Variants in OXCT1 observed in about 807,000 individuals in gnomAD.
OXCT1 encodes 3-oxoacid CoA-transferase 1.
In OXCT1, 27 loss-of-function variants were observed where a neutral mutation model predicts 69.6. The ratio of observed to expected loss-of-function variants is 0.39; its 90% confidence interval spans 0.29 to 0.54. OXCT1 has a LOEUF of 0.54. Among genes scored for constraint, OXCT1 ranks in the 20% least tolerant of loss-of-function variants. The pLI is 0.72. For synonymous variants in OXCT1, 202 were observed against 217.8 expected (o/e 0.93, Z 0.64); for missense variants, 437 against 650.2 (o/e 0.67, Z 3.57).
chr5:41,771,874 G>A (rs962875645), intron 13 of OXCT1, among the ~76,000 whole-genome samples: 8 of 152,156 alleles, frequency 5.3e-5, no homozygotes, highest in African/African-American at 1.9e-4. Context: ...ATATGAAATT[G>A]CTCACATAGG....
intron 16 of OXCT1, among the ~76,000 whole-genome samples, chr5:41,737,808 C>T (rs1381647918): frequency 6.6e-6 from 1 of 152,198 alleles, no homozygotes; most frequent in Non-Finnish European, 1.5e-5. Flanking sequence ...GTAATCCCAG[C>T]ACTTTGGGAG....
chr5:41,784,437 C>T (rs1299042936), intron 13 of OXCT1, among the ~76,000 whole-genome samples: 2 of 152,140 alleles, frequency 1.3e-5, no homozygotes, highest in Non-Finnish European at 2.9e-5. Context: ...CAACATATAT[C>T]CTTCAAACCA....
intron 13 of OXCT1, among the ~76,000 whole-genome samples, chr5:41,775,089 C>T (rs1204893497): frequency 6.6e-6 from 1 of 152,068 alleles, no homozygotes; most frequent in East Asian, 1.9e-4. Context: ...ATACTCAACA[C>T]TTCTGACATC....
At chr5:41,827,406 T>G (rs1222423653) in intron 7 of OXCT1, among the ~76,000 whole-genome samples, 1 of 152,164 alleles carries the variant, frequency 6.6e-6, no homozygotes, top group Admixed American at 6.6e-5. Flanking sequence ...GTTTTCTCAT[T>G]TACAATATTG....
chr5:41,773,714 A>G (rs1289018000), intron 13 of OXCT1, among the ~76,000 whole-genome samples: 1 of 151,980 alleles, frequency 6.6e-6, no homozygotes. Context: ...GGTAAAAAGC[A>G]TATATAGGAA....
intron 1 of OXCT1, among the ~76,000 whole-genome samples, chr5:41,869,852 C>A (rs1750198293): frequency 6.6e-6 from 1 of 152,138 alleles, no homozygotes. Flanking sequence ...AGAGATCCAA[C>A]ATCGGGGGCG....
chr5:41,809,843 AGAAT>A (rs1330048538), intron 7 of OXCT1, among the ~76,000 whole-genome samples: 1 of 152,080 alleles, frequency 6.6e-6, no homozygotes, highest in African/African-American at 2.4e-5. Flanking sequence ...CCGATAAGCA[AGAAT>A]CTAGCTAAAC....
intron 15 of OXCT1, among the ~76,000 whole-genome samples, chr5:41,742,287 G>A (rs1743207793): frequency 6.6e-6 from 1 of 152,134 alleles, no homozygotes; most frequent in Admixed American, 6.5e-5. Flanking sequence ...GATATAAGGT[G>A]CAAACAAAAA....
chr5:41,847,204 C>T (rs949286545), intron 5 of OXCT1, among the ~76,000 whole-genome samples: 1 of 151,896 alleles, frequency 6.6e-6, no homozygotes, highest in African/African-American at 2.4e-5. Context: ...TTCCTTGACA[C>T]ATACACTCTC....
chr5:41,750,912 A>G (rs922359436), intron 14 of OXCT1, among the ~76,000 whole-genome samples: 1 of 152,156 alleles, frequency 6.6e-6, no homozygotes, highest in Non-Finnish European at 1.5e-5. Context: ...AATCTTGGAT[A>G]GATTTTTAAA....
At chr5:41,780,376 A>C (rs1745336470) in intron 13 of OXCT1, among the ~76,000 whole-genome samples, 1 of 152,230 alleles carries the variant, frequency 6.6e-6, no homozygotes, top group Non-Finnish European at 1.5e-5. Context: ...GACTACATTC[A>C]ACTGCCATTC....
chr5:41,866,173 C>T (rs1268986045), intron 1 of OXCT1, among the ~76,000 whole-genome samples: 1 of 152,124 alleles, frequency 6.6e-6, no homozygotes, highest in East Asian at 1.9e-4. Flanking sequence ...TTTCTTCATT[C>T]TCTACCAGGG....
intron 11 of OXCT1, among the ~76,000 whole-genome samples, chr5:41,800,463 G>A (rs1233267318): frequency 2.0e-5 from 3 of 151,690 alleles, no homozygotes; most frequent in Middle Eastern, 3.2e-3. Context: ...TTCGCCAGTG[G>A]GAAGCACAGG....
Position 41,770,112 on chromosome 5 carries a change from T to G in OXCT1, c.1249-7912A>C, listed in dbSNP as rs192027950. On this transcript the variant is annotated intron_variant, in intron 13 of 16. Transcript: ENST00000196371. Reference sequence around the variant, plus strand: ...CCTTCCCTGTTCACCTTCAACCCAGTGCAGTTGCTAATACATGATAGCTTG... The same window carrying G: ...CCTTCCCTGTTCACCTTCAACCCAGGGCAGTTGCTAATACATGATAGCTTG... Among the ~76,000 whole-genome samples the G allele has an allele frequency of 3.2e-3, 483 of 152,330 alleles. 2 individuals carry two copies. Among genetic ancestry groups the G allele is most frequent in the Admixed American group, 1.0e-2 (153 of 15,304 alleles).
At chr5:41,867,206 A>G (rs1750029229) in intron 1 of OXCT1, among the ~76,000 whole-genome samples, 1 of 152,224 alleles carries the variant, frequency 6.6e-6, no homozygotes, top group Admixed American at 6.5e-5. Context: ...CTTTTGAAAC[A>G]GATGTCACAA....
At chr5:41,790,496 G>A (rs144864541) in intron 13 of OXCT1, among the ~76,000 whole-genome samples, 1 of 152,168 alleles carries the variant, frequency 6.6e-6, no homozygotes, top group Non-Finnish European at 1.5e-5. Flanking sequence ...TGCATACTAA[G>A]AAGCTATTAA....
At chr5:41,772,144 G>C (rs770305492) in intron 13 of OXCT1, among the ~76,000 whole-genome samples, 2 of 152,058 alleles carry the variant, frequency 1.3e-5, no homozygotes, top group Non-Finnish European at 2.9e-5. Context: ...TATTTATTTT[G>C]TCATCAGGAA....
chr5:41,746,929 C>T (rs559421865), intron 15 of OXCT1, among the ~76,000 whole-genome samples: 43 of 152,234 alleles, frequency 2.8e-4, no homozygotes, highest in African/African-American at 9.1e-4. Flanking sequence ...AGTCCATCTC[C>T]TAAATCTCTT....
At chr5:41,773,101 A>C (rs972554444) in intron 13 of OXCT1, among the ~76,000 whole-genome samples, 3 of 152,242 alleles carry the variant, frequency 2.0e-5, no homozygotes, top group African/African-American at 7.2e-5. Flanking sequence ...GATTTGCCAC[A>C]AAGTTAATAT....
Sources: gnomAD v4.1 joint callset for allele counts (sites outside exome capture counted in the v4.1 genomes callset) on GRCh38, gnomAD v4.1.1 for gene constraint, MANE v1.5 for transcripts, NCBI Gene and HGNC (gene_info 2026-07-23, HGNC 2026-07-21) for gene names.